Variants in USP6NL observed in about 807,000 individuals in gnomAD.
USP6NL encodes the protein USP6 N-terminal-like protein.
In USP6NL, 26 loss-of-function variants were observed where a neutral mutation model predicts 61.9. The observed-to-expected ratio is 0.42, with a 90% CI of 0.31 to 0.58. The LOEUF (loss-of-function observed/expected upper bound fraction) is 0.58, where lower values mean the gene tolerates loss of function less well. Among genes scored for constraint, USP6NL ranks in the 20% least tolerant of loss-of-function variants. The pLI is 0.16. For missense variants in USP6NL, 1,114 were observed against 1,034.3 expected, an observed-to-expected ratio of 1.08 and a Z score of -1.06; for synonymous variants, 432 against 390.1, an observed-to-expected ratio of 1.11 and a Z score of -1.27.
At position 11,489,671 on chromosome 10, in the gene USP6NL, A is replaced by T. The variant is rs1480592369; in HGVS notation, c.544-449T>A. 6.6e-6 allele frequency among the ~76,000 whole-genome samples: 1 copy of T among 152,138 alleles called. No homozygotes were observed. Among genetic ancestry groups the T allele is most frequent in the Non-Finnish European group, 1.5e-5 (1 of 68,022 alleles). ...CATGCACAGTCTATGCCTCCTCTCT[A>T]AGAAATACCCACTCTCCCCATAGTC... On this transcript the variant is annotated intron_variant, in intron 9 of 14. Transcript: ENST00000609104. The surrounding 1 kb of genome is among the most constrained non-coding windows in gnomAD (Gnocchi z 5.7).
chr10:11,558,788 C>T (rs1158839097), intron 2 of USP6NL, among the ~76,000 whole-genome samples: 2 of 152,162 alleles, frequency 1.3e-5, no homozygotes, highest in African/African-American at 4.8e-5. Context: ...ATCCATCCCT[C>T]GTTTGCTACA....
chr10:11,565,499 G>A (rs1837107083), intron 2 of USP6NL: 1 of 152,144 alleles, frequency 6.6e-6, no homozygotes, highest in African/African-American at 2.4e-5. Context: ...AAGATTAGCT[G>A]GGCGTGGTGG....
intron 5 of USP6NL, among the ~76,000 whole-genome samples, chr10:11,512,162 A>C (rs1834747874): frequency 6.6e-6 from 1 of 152,164 alleles, no homozygotes; most frequent in African/African-American, 2.4e-5. Context: ...CAATAAGACA[A>C]AACTGGAATA....
intron 6 of USP6NL, among the ~76,000 whole-genome samples, chr10:11,507,969 T>C (rs553511049): frequency 1.3e-5 from 2 of 152,338 alleles, no homozygotes; most frequent in African/African-American, 4.8e-5. Context: ...CAGGCTATAC[T>C]ACTGCTTCTG....
At position 11,525,270 on chromosome 10, in the gene USP6NL, T is replaced by C. The variant is rs1404825800; in HGVS notation, c.155+116A>G. ...TAGGAATTTAGTATCAAAACGCATA[T>C]TGTAAGACTATTCCTTATTCACAGC... On this transcript the variant is annotated intron_variant, in intron 4 of 14. Transcript: ENST00000609104. This position sits in a 1 kb window ranked among gnomAD's most constrained non-coding sequence, Gnocchi z 5.0. 29 of 784,166 alleles carry C rather than the reference T, an allele frequency of 3.7e-5. No homozygotes were observed. Among genetic ancestry groups the C allele is most frequent in the Non-Finnish European group, 2.0e-6 (1 of 510,862 alleles). 48.6% of individuals were successfully genotyped at this position (784,166 alleles called of 1,614,324 possible).
chr10:11,577,330 C>A (rs181602013), intron 2 of USP6NL, among the ~76,000 whole-genome samples: 1 of 152,294 alleles, frequency 6.6e-6, no homozygotes, highest in Non-Finnish European at 1.5e-5. Context: ...TCCCAAAGTG[C>A]TGGGATTACA....
rs757998007 is a variant in USP6NL, at chr10:11,520,737, G to A, written c.156-2163C>T. Among the ~76,000 whole-genome samples, 19 of 152,202 alleles carry A rather than the reference G, an allele frequency of 1.2e-4. No individual in the cohort carries two copies. Among genetic ancestry groups the A allele is most frequent in the Non-Finnish European group, 2.1e-4 (14 of 68,040 alleles). Reference sequence around the variant, plus strand: ...CATTTTTGTAACGTTTTAATGGAACGCTGTCACACTCTGCCATGAATGTAT... The same window carrying A: ...CATTTTTGTAACGTTTTAATGGAACACTGTCACACTCTGCCATGAATGTAT... On this transcript the variant is annotated intron_variant, in intron 4 of 14. Coordinates refer to ENST00000609104, the MANE Select transcript of USP6NL (RefSeq NM_014688.5). This position sits in a 1 kb window ranked among gnomAD's most constrained non-coding sequence, Gnocchi z 5.2.
chr10:11,471,395 A>C (rs1404861237), intron 14 of USP6NL, among the ~76,000 whole-genome samples: 2 of 152,204 alleles, frequency 1.3e-5, no homozygotes, highest in Non-Finnish European at 1.5e-5. Context: ...AAACTAGTTC[A>C]ACCATTGTGG....
At chr10:11,530,976 T>G (rs1835633223) in intron 2 of USP6NL, among the ~76,000 whole-genome samples, 2 of 152,354 alleles carry the variant, frequency 1.3e-5, no homozygotes, top group South Asian at 2.1e-4. Context: ...CAAACGATTA[T>G]CAACAGCTGT....
chr10:11,524,164 T>C lies in USP6NL; in HGVS notation c.155+1222A>G, dbSNP rs547883132. On this transcript the variant is annotated intron_variant, in intron 4 of 14. Coordinates refer to ENST00000609104, the MANE Select transcript of USP6NL (RefSeq NM_014688.5). ...GTTCAAAGGCTTCTGATTATAGAGG[T>C]GGGAGGATTGCTTAAGGCCAGGAGT... 6.6e-5 allele frequency among the ~76,000 whole-genome samples: 10 copies of C among 152,120 alleles called. No individual in the cohort carries two copies. In the East Asian group the frequency reaches 1.9e-3, roughly 29 times the overall value.
chr10:11,606,010 C>A (rs1232166033), intron 1 of USP6NL, among the ~76,000 whole-genome samples: 1 of 151,994 alleles, frequency 6.6e-6, no homozygotes, highest in Non-Finnish European at 1.5e-5. Flanking sequence ...GTCACGGTAT[C>A]AAAATGCCCC....
rs1836017174 is a variant in USP6NL, at chr10:11,540,791, G to A, written c.5-13224C>T. Among the ~76,000 whole-genome samples the A allele has an allele frequency of 6.6e-6, 1 of 152,054 alleles. No individual in the cohort carries two copies. The highest frequency in any genetic ancestry group is 2.4e-5 in the African/African-American group (1 of 41,400). The stretch of plus-strand genomic sequence containing the variant: ...AAATGACACTCAAAAACAAGAACGA[G>A]GTATTGCCTAGAACAACTGAGAAGC... On this transcript the variant is annotated intron_variant, in intron 2 of 14. Transcript: ENST00000609104. This position sits in a 1 kb window ranked among gnomAD's most constrained non-coding sequence, Gnocchi z 5.0.
rs1339126888 is a variant in USP6NL, at chr10:11,463,046, G to A, written c.1882C>T (p.His628Tyr). ...GGGGGATTGCTGTAGGAGGGGGGAT[G>A]AGCTAGCCCTCGGGCTTCCCCATCT... Reference protein sequence around the residue: ...QLDGEARGLAHPPSYSNPPVY... With the variant: ...QLDGEARGLAYPPSYSNPPVY... The change falls in exon 15 of 15, where the codon CAT (histidine) becomes TAT (tyrosine). Residue 628 changes from histidine to tyrosine, a missense_variant. Transcript: ENST00000609104. This position sits in a 1 kb window ranked among gnomAD's most constrained non-coding sequence, Gnocchi z 6.3. The A allele has an allele frequency of 1.2e-6, 2 of 1,613,938 alleles. No homozygotes were observed. The highest frequency in any genetic ancestry group is 1.7e-6 in the Non-Finnish European group (2 of 1,179,902).
At chr10:11,517,616 A>C (rs1250031780) in intron 5 of USP6NL, among the ~76,000 whole-genome samples, 1 of 152,172 alleles carries the variant, frequency 6.6e-6, no homozygotes, top group Non-Finnish European at 1.5e-5. Flanking sequence ...AGAGAACCAG[A>C]CAGTCACAAG....
At chr10:11,484,651 CA>C (rs1203298900) in intron 13 of USP6NL, among the ~76,000 whole-genome samples, 19 of 152,246 alleles carry the variant, frequency 1.2e-4, no homozygotes, top group Admixed American at 9.2e-4. Flanking sequence ...ATGAAAAGGA[CA>C]AGGGATCCCA....
In USP6NL at chr10:11,462,926, T is replaced by A; in HGVS notation, c.2002A>T (p.Arg668Trp). The change falls in exon 15 of 15, where the codon AGG becomes TGG. Residue 668 changes from arginine (R) to tryptophan (W), a missense_variant. Coordinates refer to ENST00000609104, the MANE Select transcript of USP6NL (RefSeq NM_014688.5). ...FSPGTQLNPS[R>W]RPHGSTLSVS... ...GAAAGAGTAGAACCATGAGGTCTCC[T>A]GGAAGGATTCAGTTGAGTCCCAGGG... 1 of 1,613,560 alleles carries A rather than the reference T, an allele frequency of 6.2e-7. No homozygotes were observed. Among genetic ancestry groups the A allele is most frequent in the Non-Finnish European group, 8.5e-7 (1 of 1,179,672 alleles).
chr10:11,498,352 T>C (rs1591846970), intron 7 of USP6NL, among the ~76,000 whole-genome samples: 1 of 148,164 alleles, frequency 6.7e-6, no homozygotes, highest in African/African-American at 2.5e-5. Flanking sequence ...TCTGATCCTA[T>C]ACCATCTGTA....
chr10:11,573,491 A>G (rs1837433273), intron 2 of USP6NL: 2 of 395,596 alleles, frequency 5.1e-6, no homozygotes, highest in Non-Finnish European at 8.9e-6. Context: ...TATATCAGAA[A>G]TGCAAAAGCA....
intron 7 of USP6NL, among the ~76,000 whole-genome samples, chr10:11,494,338 G>A (rs1010022942): frequency 6.6e-5 from 10 of 152,128 alleles, no homozygotes; most frequent in East Asian, 1.9e-4. Flanking sequence ...TGGGTACTTA[G>A]TGAATCCTTC....
Sources: gnomAD v4.1 joint callset for allele counts (sites outside exome capture counted in the v4.1 genomes callset) on GRCh38, gnomAD v4.1.1 for gene constraint, Gnocchi (gnomAD v3.1) non-coding constraint, MANE v1.5 for transcripts, NCBI Gene and HGNC (gene_info 2026-07-23, HGNC 2026-07-21) for gene names.